CTNNA2: variants seen among roughly 807,000 people sequenced by gnomAD.
The protein encoded by CTNNA2 is catenin alpha-2.
In CTNNA2, 42 loss-of-function variants were observed where a neutral mutation model predicts 101.0. The observed-to-expected ratio is 0.42, with a 90% CI of 0.32 to 0.54. The LOEUF is 0.54. Among genes scored for constraint, CTNNA2 ranks in the 20% least tolerant of loss-of-function variants. The probability of loss-of-function intolerance (pLI) is 0.14; values close to 1 mark genes in which losing one functional copy is unlikely to be tolerated. For missense variants in CTNNA2, 871 were observed against 1,223.1 expected (o/e 0.71, Z 4.29); for synonymous variants, 450 against 456.4 (o/e 0.99, Z 0.18).
intron 4 of CTNNA2, among the ~76,000 whole-genome samples, chr2:79,407,273 G>A (rs1253058251): frequency 6.6e-6 from 1 of 151,976 alleles, no homozygotes; most frequent in Non-Finnish European, 1.5e-5. Flanking sequence ...AAAGCTACAT[G>A]ATTATTTTAT....
intron 7 of CTNNA2, among the ~76,000 whole-genome samples, chr2:80,006,893 G>A (rs1399816698): frequency 6.6e-6 from 1 of 152,098 alleles, no homozygotes; most frequent in Non-Finnish European, 1.5e-5. Context: ...CCCAAGAGTT[G>A]AGAACTTACC....
At chr2:79,469,099 T>A (rs1438479598) in intron 4 of CTNNA2, among the ~76,000 whole-genome samples, 1 of 151,900 alleles carries the variant, frequency 6.6e-6, no homozygotes, top group Non-Finnish European at 1.5e-5. Context: ...AGCTGGTTTG[T>A]TGAAAAGATC....
At chr2:79,266,428 C>T (rs1169504212) in intron 2 of CTNNA2, among the ~76,000 whole-genome samples, 8 of 152,152 alleles carry the variant, frequency 5.3e-5, no homozygotes, top group East Asian at 1.9e-4. Context: ...CTTGTTGATT[C>T]CTTTTCCTCA....
At chr2:80,080,215 TAA>T (rs1317253513) in intron 7 of CTNNA2, among the ~76,000 whole-genome samples, 1 of 152,062 alleles carries the variant, frequency 6.6e-6, no homozygotes, top group Non-Finnish European at 1.5e-5. Flanking sequence ...ACAGAATCAT[TAA>T]AACAATCTTG....
intron 15 of CTNNA2, among the ~76,000 whole-genome samples, chr2:80,595,787 T>G (rs1696897416): frequency 6.6e-6 from 1 of 152,172 alleles, no homozygotes; most frequent in South Asian, 2.1e-4. Flanking sequence ...TAGTTTGAAG[T>G]CAGGTAGCAT....
At chr2:79,978,071 C>A (rs768932221) in intron 7 of CTNNA2, among the ~76,000 whole-genome samples, 1 of 152,148 alleles carries the variant, frequency 6.6e-6, no homozygotes, top group African/African-American at 2.4e-5. Flanking sequence ...CATGAACAGG[C>A]CTTCACTGAA....
chr2:80,037,824 A>G (rs1237276690), intron 7 of CTNNA2, among the ~76,000 whole-genome samples: 1 of 152,244 alleles, frequency 6.6e-6, no homozygotes, highest in Non-Finnish European at 1.5e-5. Flanking sequence ...CTGGGCAGGA[A>G]GGATGAACTT....
chr2:79,241,873 C>T (rs560049840), intron 2 of CTNNA2, among the ~76,000 whole-genome samples: 1 of 149,566 alleles, frequency 6.7e-6, no homozygotes, highest in African/African-American at 2.5e-5. Flanking sequence ...AGCATCGAAT[C>T]ACATTTGGGT....
chr2:80,459,191 C>G (rs1388358988), intron 9 of CTNNA2, among the ~76,000 whole-genome samples: 2 of 152,052 alleles, frequency 1.3e-5, no homozygotes, highest in Non-Finnish European at 2.9e-5. Flanking sequence ...ATGATGAAAC[C>G]ACCTAAGGAT....
intron 18 of CTNNA2, among the ~76,000 whole-genome samples, chr2:80,631,578 T>A (rs1426277883): frequency 6.6e-6 from 1 of 152,070 alleles, no homozygotes; most frequent in East Asian, 1.9e-4. Flanking sequence ...TTTTGCTGAA[T>A]TTTCCCTGAA....
chr2:79,396,527 G>A (rs1291668975), intron 4 of CTNNA2, among the ~76,000 whole-genome samples: 1 of 152,044 alleles, frequency 6.6e-6, no homozygotes, highest in East Asian at 1.9e-4. Context: ...CACTGAAGAA[G>A]GAGATTTTGG....
intron 7 of CTNNA2, among the ~76,000 whole-genome samples, chr2:80,175,695 A>G (rs1705350347): frequency 6.6e-6 from 1 of 152,208 alleles, no homozygotes. Flanking sequence ...CACAAGGTGA[A>G]GTCCCACGAT....
At chr2:79,784,529 G>A (rs780729827) in intron 3 of CTNNA2, among the ~76,000 whole-genome samples, 16 of 150,198 alleles carry the variant, frequency 1.1e-4, no homozygotes, top group Non-Finnish European at 2.2e-4. Flanking sequence ...AACTTAAGAA[G>A]TTCAAAGCCA....
chr2:79,787,687 T>A (rs1021629874), intron 3 of CTNNA2, among the ~76,000 whole-genome samples: 1 of 152,100 alleles, frequency 6.6e-6, no homozygotes, highest in African/African-American at 2.4e-5. Context: ...TTTCCAACTT[T>A]TAGAGGCCAC....
chr2:79,494,277 A>AT lies in CTNNA2; in HGVS notation c.-134-10763dup, dbSNP rs35039244. The stretch of plus-strand genomic sequence containing the variant: ...TCCTTTAAAAATTCCCAGCTGCCCT[A>AT]TTTTTTTTTTTTTTCAGAAATTGAC... On this transcript the variant is annotated intron_variant, in intron 4 of 21. Coordinates refer to the CTNNA2 transcript ENST00000466387. 9.2e-3 allele frequency among the ~76,000 whole-genome samples: 1,349 copies of AT among 147,196 alleles called. 17 individuals carry two copies. The highest frequency in any genetic ancestry group is 0.058 in the South Asian group (270 of 4,632).
chr2:79,224,177 G>A (rs1326526633), intron 2 of CTNNA2, among the ~76,000 whole-genome samples: 1 of 152,080 alleles, frequency 6.6e-6, no homozygotes, highest in Non-Finnish European at 1.5e-5. Flanking sequence ...GTGTATATCT[G>A]CTGGTGCATA....
intron 9 of CTNNA2, among the ~76,000 whole-genome samples, chr2:80,489,997 T>C (rs1244885170): frequency 2.6e-5 from 4 of 152,110 alleles, no homozygotes; most frequent in Non-Finnish European, 5.9e-5. Flanking sequence ...CAGACCTGAG[T>C]TAAAGTTAAC....
intron 7 of CTNNA2, among the ~76,000 whole-genome samples, chr2:80,215,795 A>T (rs1303443223): frequency 6.6e-6 from 1 of 152,188 alleles, no homozygotes; most frequent in Non-Finnish European, 1.5e-5. Context: ...AAGATGTCAG[A>T]CAGGGACATT....
At chr2:79,601,715 G>A (rs1426957927) in intron 1 of CTNNA2, among the ~76,000 whole-genome samples, 3 of 152,240 alleles carry the variant, frequency 2.0e-5, no homozygotes, top group Admixed American at 6.5e-5. Context: ...CTATGAAGCG[G>A]TGTGACACAG....
Sources: allele counts gnomAD v4.1 joint callset (sites outside exome capture counted in the v4.1 genomes callset), GRCh38; gene constraint gnomAD v4.1.1; transcripts MANE v1.5; gene names NCBI Gene and HGNC (gene_info 2026-07-23, HGNC 2026-07-21).